Variants in PCDH9 observed in about 807,000 individuals in gnomAD.
PCDH9 encodes the protein protocadherin-9.
Under a neutral mutation model 70.6 loss-of-function variants are expected in PCDH9, and 24 were observed. That is an observed-to-expected ratio of 0.34 (90% CI 0.25 to 0.48). PCDH9 has a LOEUF of 0.48. Ranked by LOEUF, PCDH9 falls within the 20% of genes least tolerant of loss-of-function variation. The pLI, the probability that PCDH9 is intolerant of heterozygous loss-of-function variation, is 0.99. For missense variants in PCDH9, 1,281 were observed against 1,503.6 expected (o/e 0.85, Z 2.45); for synonymous variants, 562 against 558.5 (o/e 1.01, Z -0.09).
chr13:66,801,996 C>CTGTTTGTTTGTT (rs71207605), intron 3 of PCDH9, among the ~76,000 whole-genome samples: 2 of 149,614 alleles, frequency 1.3e-5, no homozygotes, highest in African/African-American at 5.0e-5. Flanking sequence ...AGGTGTTTTT[C>CTGTTTGTTTGTT]TGTTTGTTTG....
At chr13:66,666,448 T>C (rs1239362761) in intron 3 of PCDH9, among the ~76,000 whole-genome samples, 1 of 152,124 alleles carries the variant, frequency 6.6e-6, no homozygotes, top group Non-Finnish European at 1.5e-5. Flanking sequence ...CTTTTTTTAT[T>C]TCTCCATATT....
intron 4 of PCDH9, among the ~76,000 whole-genome samples, chr13:66,626,684 CA>C (rs575061763): frequency 6.6e-6 from 1 of 152,144 alleles, no homozygotes; most frequent in South Asian, 2.1e-4. Context: ...GTTTCCAGCA[CA>C]AAAAAATTAG....
At chr13:66,668,751 C>T (rs1376610766) in intron 3 of PCDH9, among the ~76,000 whole-genome samples, 3 of 152,092 alleles carry the variant, frequency 2.0e-5, no homozygotes, top group Non-Finnish European at 4.4e-5. Context: ...AAGAATCTCT[C>T]TCTCACTTCT....
intron 4 of PCDH9, among the ~76,000 whole-genome samples, chr13:66,422,125 T>A (rs1957578481): frequency 6.6e-6 from 1 of 152,136 alleles, no homozygotes; most frequent in African/African-American, 2.4e-5. Context: ...TAATTATATA[T>A]GTACCCAATA....
At position 66,681,096 on chromosome 13, in the gene PCDH9, G is replaced by A. The variant is rs552707080; in HGVS notation, c.3139-49685C>T. 2.8e-4 allele frequency among the ~76,000 whole-genome samples: 43 copies of A among 152,110 alleles called. 1 individual carries two copies. Among genetic ancestry groups the A allele is most frequent in the African/African-American group, 1.0e-3 (43 of 41,556 alleles). ...AGAAATGTAAGGCAGAAGTCACACAGAAGTTACAGACAACTTAACCCAAAC... is the reference window on the plus strand; with the variant it reads ...AGAAATGTAAGGCAGAAGTCACACAAAAGTTACAGACAACTTAACCCAAAC... On this transcript the variant is annotated intron_variant, in intron 3 of 4. Coordinates refer to ENST00000377865, the MANE Select transcript of PCDH9 (RefSeq NM_203487.3).
At chr13:66,446,830 G>C (rs1328020694) in intron 4 of PCDH9, among the ~76,000 whole-genome samples, 1 of 151,948 alleles carries the variant, frequency 6.6e-6, no homozygotes, top group African/African-American at 2.4e-5. Context: ...CTAACGTCCA[G>C]TCATAATTTT....
chr13:66,905,342 A>C (rs1327723650), intron 2 of PCDH9, among the ~76,000 whole-genome samples: 1 of 152,154 alleles, frequency 6.6e-6, no homozygotes, highest in African/African-American at 2.4e-5. Context: ...TTTTCTCCTA[A>C]GAAACATTTC....
Position 66,454,757 on chromosome 13 carries a change from A to G in PCDH9, c.3341-149729T>C, listed in dbSNP as rs188345428. ...TGTAGGGAATGCAAATTTTAAGAGTATAAATTAGTCCTATGAGCTTTTTAG... is the reference window on the plus strand; with the variant it reads ...TGTAGGGAATGCAAATTTTAAGAGTGTAAATTAGTCCTATGAGCTTTTTAG... On this transcript the variant is annotated intron_variant, in intron 4 of 4. Coordinates refer to ENST00000377865, the MANE Select transcript of PCDH9 (RefSeq NM_203487.3). 2.6e-5 allele frequency among the ~76,000 whole-genome samples: 4 copies of G among 152,286 alleles called. 1 individual carries two copies. Among genetic ancestry groups the G allele is most frequent in the Admixed American group, 2.6e-4 (4 of 15,298 alleles).
intron 2 of PCDH9, among the ~76,000 whole-genome samples, chr13:67,189,899 C>T (rs1278610976): frequency 1.3e-5 from 2 of 151,802 alleles, no homozygotes; most frequent in African/African-American, 2.4e-5. Context: ...TTTTAATTTA[C>T]TTATATAAAT....
chr13:66,523,617 T>C (rs1300382966), intron 4 of PCDH9, among the ~76,000 whole-genome samples: 1 of 151,854 alleles, frequency 6.6e-6, no homozygotes, highest in Non-Finnish European at 1.5e-5. Flanking sequence ...TGCACAGTGA[T>C]TCAGTGGAAG....
chr13:67,222,650 T>A (rs2089756231), intron 2 of PCDH9: 2 of 152,182 alleles, frequency 1.3e-5, no homozygotes, highest in South Asian at 4.1e-4. Context: ...GAAAAGATGG[T>A]GTGAGCAATA....
chr13:66,645,084 T>G (rs1306554938), intron 3 of PCDH9, among the ~76,000 whole-genome samples: 1 of 152,146 alleles, frequency 6.6e-6, no homozygotes. Flanking sequence ...ACATAGAGAA[T>G]GCAGTTCAGA....
chr13:66,634,588 G>T (rs2138945323), intron 3 of PCDH9, among the ~76,000 whole-genome samples: 1 of 152,212 alleles, frequency 6.6e-6, no homozygotes, highest in Middle Eastern at 3.4e-3. Flanking sequence ...CCTTGCCTGT[G>T]GAAGTGTTGA....
chr13:67,174,195 G>A (rs965842968), intron 2 of PCDH9, among the ~76,000 whole-genome samples: 1 of 151,806 alleles, frequency 6.6e-6, no homozygotes, highest in Non-Finnish European at 1.5e-5. Context: ...TATGTCCTTA[G>A]TATTTTGGTT....
At chr13:67,009,833 T>C (rs1273525403) in intron 2 of PCDH9, among the ~76,000 whole-genome samples, 1 of 151,990 alleles carries the variant, frequency 6.6e-6, no homozygotes, top group Non-Finnish European at 1.5e-5. Context: ...TACAATATAG[T>C]TATTATCAAT....
chr13:67,122,497 G>A (rs1927811), intron 2 of PCDH9, among the ~76,000 whole-genome samples: 139,818 of 151,922 alleles, frequency 0.92, 64,462 homozygotes, highest in East Asian at 0.98. Context: ...TAATCCAGAC[G>A]GGCTCAGTGG....
At chr13:66,555,846 T>TA (rs1455075365) in intron 4 of PCDH9, among the ~76,000 whole-genome samples, 3 of 150,286 alleles carry the variant, frequency 2.0e-5, no homozygotes, top group Non-Finnish European at 4.4e-5. Flanking sequence ...CATGAAATTT[T>TA]AAAAAACTCT....
intron 3 of PCDH9, among the ~76,000 whole-genome samples, chr13:66,789,678 C>T (rs1432095832): frequency 6.6e-6 from 1 of 151,970 alleles, no homozygotes; most frequent in African/African-American, 2.4e-5. Context: ...ACTGTGTATC[C>T]CCGTTTTATG....
At chr13:66,889,674 G>A (rs2082064742) in intron 3 of PCDH9, among the ~76,000 whole-genome samples, 1 of 152,158 alleles carries the variant, frequency 6.6e-6, no homozygotes, top group Non-Finnish European at 1.5e-5. Context: ...ACTACCAGGA[G>A]AGTAAACACT....
Sources: gnomAD v4.1 joint callset for allele counts (sites outside exome capture counted in the v4.1 genomes callset) on GRCh38, gnomAD v4.1.1 for gene constraint, MANE v1.5 for transcripts, NCBI Gene and HGNC (gene_info 2026-07-23, HGNC 2026-07-21) for gene names.